Variants in SWT1 observed in about 807,000 individuals in gnomAD.
SWT1 encodes the protein SWT1 RNA endoribonuclease homolog.
In SWT1, 33 loss-of-function variants were observed where a neutral mutation model predicts 107.3. That is an observed-to-expected ratio of 0.31 (90% CI 0.23 to 0.41). The LOEUF (loss-of-function observed/expected upper bound fraction) is 0.41, where lower values mean the gene tolerates loss of function less well. Ranked by LOEUF, SWT1 falls within the 10% of genes least tolerant of loss-of-function variation. The pLI, the probability that SWT1 is intolerant of heterozygous loss-of-function variation, is 1.00. For missense variants in SWT1, 898 were observed against 1,028.9 expected (o/e 0.87, Z 1.74); for synonymous variants, 345 against 348.3 (o/e 0.99, Z 0.11).
intron 14 of SWT1, among the ~76,000 whole-genome samples, chr1:185,215,314 A>G (rs192994635): frequency 6.6e-6 from 1 of 151,986 alleles, no homozygotes; most frequent in Non-Finnish European, 1.5e-5. Context: ...TTTTTCCCCC[A>G]GGTGCTCTTT....
chr1:185,255,741 C>T (rs903429712), intron 16 of SWT1, among the ~76,000 whole-genome samples: 4 of 147,820 alleles, frequency 2.7e-5, no homozygotes, highest in Non-Finnish European at 6.0e-5. Context: ...TCCAATTTGC[C>T]AGTCTGTGTC....
At chr1:185,236,872 AAAAC>A (rs959896093) in intron 16 of SWT1, among the ~76,000 whole-genome samples, 1 of 152,086 alleles carries the variant, frequency 6.6e-6, no homozygotes, top group African/African-American at 2.4e-5. Flanking sequence ...TTACAAGAAA[AAAAC>A]AACCCCATCA....
chr1:185,191,460 G>A (rs1341017526), intron 10 of SWT1, among the ~76,000 whole-genome samples: 3 of 152,024 alleles, frequency 2.0e-5, no homozygotes, highest in African/African-American at 7.2e-5. Context: ...GCAAAATGGA[G>A]TTTTTATAGT....
intron 10 of SWT1, among the ~76,000 whole-genome samples, chr1:185,195,470 T>C (rs141023029): frequency 6.6e-6 from 1 of 152,260 alleles, no homozygotes; most frequent in African/African-American, 2.4e-5. Flanking sequence ...TGTGTGCATG[T>C]GTCTTTATAG....
chr1:185,176,636 G>T, intron 5 of SWT1: 1 of 985,298 alleles, frequency 1.0e-6, no homozygotes, highest in Non-Finnish European at 1.2e-6. Context: ...ATTCTGAAAT[G>T]TAGAGACCAC....
At chr1:185,171,615 C>A in intron 4 of SWT1, 1 of 513,998 alleles carries the variant, frequency 1.9e-6, no homozygotes, top group Non-Finnish European at 3.8e-6. Context: ...ATCCATGATC[C>A]GTCTTCTATG....
chr1:185,167,383 T>C (rs538064937), intron 3 of SWT1, among the ~76,000 whole-genome samples: 2 of 152,344 alleles, frequency 1.3e-5, no homozygotes, highest in Admixed American at 1.3e-4. Flanking sequence ...CATAGGTTAG[T>C]GGTAATGTAC....
intron 15 of SWT1, chr1:185,226,928 C>T (rs559891918): frequency 4.3e-4 from 478 of 1,119,536 alleles, no homozygotes; most frequent in African/African-American, 1.2e-3. Flanking sequence ...CTTCTTTCTG[C>T]GGCGTCTTTT....
intron 15 of SWT1, among the ~76,000 whole-genome samples, chr1:185,225,548 T>A (rs12088208): frequency 0.013 from 2,045 of 152,302 alleles, 41 homozygotes; most frequent in African/African-American, 0.046. Context: ...TCCAGAATTT[T>A]CACTGATGGA....
At chr1:185,258,853 A>T (rs1662818310) in intron 16 of SWT1, among the ~76,000 whole-genome samples, 1 of 152,032 alleles carries the variant, frequency 6.6e-6, no homozygotes, top group Non-Finnish European at 1.5e-5. Context: ...ACATATCTTC[A>T]GTTCTGGAAA....
intron 16 of SWT1, among the ~76,000 whole-genome samples, chr1:185,266,295 A>T (rs1270296077): frequency 1.3e-5 from 2 of 152,184 alleles, no homozygotes; most frequent in Non-Finnish European, 2.9e-5. Flanking sequence ...CGATCTCCTG[A>T]CCTCGTGATC....
At position 185,175,055 on chromosome 1, in the gene SWT1, A is replaced by G; in HGVS notation, c.908A>G (p.Lys303Arg). The change falls in exon 5 of 19, where the codon AAA becomes AGA. Residue 303 changes from lysine to arginine, a missense_variant. Physicochemically the swap from Lys to Arg is conservative, Grantham distance 26. Coordinates refer to ENST00000367500, the MANE Select transcript of SWT1 (RefSeq NM_017673.7). Reference protein sequence around the residue: ...YKRTVHEWKRKHHYDHQESND... With the variant: ...YKRTVHEWKRRHHYDHQESND... Reference sequence around the variant, plus strand: ...CGGACTGTTCATGAGTGGAAACGAAAACATCATTATGACCATCAAGAAAGT... The same window carrying G: ...CGGACTGTTCATGAGTGGAAACGAAGACATCATTATGACCATCAAGAAAGT... 6.3e-6 allele frequency: 10 copies of G among 1,596,796 alleles called. No individual in the cohort carries two copies. The highest frequency in any genetic ancestry group is 8.5e-6 in the Non-Finnish European group (10 of 1,173,002).
chr1:185,225,457 A>G (rs1659977118), intron 15 of SWT1, among the ~76,000 whole-genome samples: 1 of 152,080 alleles, frequency 6.6e-6, no homozygotes, highest in Admixed American at 6.6e-5. Flanking sequence ...TGCTTCTTCA[A>G]TTTTCTAGAA....
At chr1:185,251,582 T>G (rs900725380) in intron 16 of SWT1, among the ~76,000 whole-genome samples, 6 of 152,182 alleles carry the variant, frequency 3.9e-5, no homozygotes, top group Admixed American at 3.9e-4. Context: ...CTCTTTCTGA[T>G]GAATTGATCC....
At chr1:185,280,804 G>C (rs1288811842) in intron 18 of SWT1, 2 of 309,146 alleles carry the variant, frequency 6.5e-6, no homozygotes, top group Admixed American at 7.5e-5. Flanking sequence ...GTGTTGGCGA[G>C]TGGCAGGGAG....
At chr1:185,275,324 G>T (rs1664167129) in intron 17 of SWT1, among the ~76,000 whole-genome samples, 2 of 151,724 alleles carry the variant, frequency 1.3e-5, no homozygotes, top group African/African-American at 4.8e-5. Flanking sequence ...AAAGAAGAAA[G>T]AAGTGGACTG....
At chr1:185,260,580 G>A (rs1220417186) in intron 16 of SWT1, among the ~76,000 whole-genome samples, 2 of 152,034 alleles carry the variant, frequency 1.3e-5, no homozygotes, top group East Asian at 1.9e-4. Context: ...TGAATTTGGC[G>A]GTGGCAGTTT....
intron 9 of SWT1, among the ~76,000 whole-genome samples, chr1:185,189,820 A>C (rs1214332903): frequency 6.7e-6 from 1 of 149,730 alleles, no homozygotes; most frequent in Non-Finnish European, 1.5e-5. Flanking sequence ...AAATACATAT[A>C]TTTCTTATAT....
chr1:185,191,927 G>T (rs1656986842), intron 10 of SWT1, among the ~76,000 whole-genome samples: 1 of 152,054 alleles, frequency 6.6e-6, no homozygotes, highest in African/African-American at 2.4e-5. Flanking sequence ...ACATAGTCGT[G>T]TTCCAAGTGG....
Sources: allele counts gnomAD v4.1 joint callset (sites outside exome capture counted in the v4.1 genomes callset), GRCh38; gene constraint gnomAD v4.1.1; transcripts MANE v1.5; gene names NCBI Gene and HGNC (gene_info 2026-07-23, HGNC 2026-07-21).